The following FAAH2 variants were observed in gnomAD, a reference collection of about 807,000 sequenced individuals.
FAAH2 encodes fatty acid amide hydrolase 2, also known as fatty-acid amide hydrolase 2.
FAAH2 carries 60 observed loss-of-function variants against 36.9 expected under a neutral mutation model. That is an observed-to-expected ratio of 1.63 (90% CI 1.32 to 2.02). The LOEUF is 2.02. Among genes scored for constraint, FAAH2 ranks in the 30% most tolerant of loss-of-function variants. FAAH2 has a pLI of 0.00. For missense variants in FAAH2, 689 were observed against 397.5 expected, an observed-to-expected ratio of 1.73 and a Z score of -6.23; for synonymous variants, 214 against 143.8, an observed-to-expected ratio of 1.49 and a Z score of -3.49.
chrX:57,475,368 G>T (rs1334364617), intron 10 of FAAH2, among the ~76,000 whole-genome samples: 1 of 111,817 alleles, frequency 8.9e-6, no homozygotes, highest in African/African-American at 3.3e-5. Flanking sequence ...GTTAATTTTT[G>T]TATAAAATGT....
rs185748760 is a variant in FAAH2 at position 57,308,212 on chromosome X, T to A, written c.276-2381T>A. Among the ~76,000 whole-genome samples, 335 of 111,923 alleles carry A rather than the reference T, an allele frequency of 3.0e-3. 3 individuals carry two copies. Among genetic ancestry groups the A allele is most frequent in the Non-Finnish European group, 5.7e-3 (304 of 53,118 alleles). On this transcript the variant is annotated intron_variant, in intron 2 of 10. Coordinates refer to ENST00000374900, the MANE Select transcript of FAAH2 (RefSeq NM_174912.4). ...GTTTTGTTTTAAGTTATTTGAGAAA[T>A]CTCCAAACTGCTTTCCACTATGGCT...
chrX:57,185,220 G>C, the FAAH2 span, among the ~76,000 whole-genome samples: 1 of 109,725 alleles, frequency 9.1e-6, no homozygotes, highest in Non-Finnish European at 1.9e-5. Context: ...ATCCCCAACT[G>C]CCCACCCCTC....
the FAAH2 span, among the ~76,000 whole-genome samples, chrX:57,242,060 C>T: frequency 7.0e-4 from 79 of 112,775 alleles, no homozygotes; most frequent in African/African-American, 2.4e-3. Context: ...CAGAGAGCAG[C>T]GTATCCTGAC....
the FAAH2 span, among the ~76,000 whole-genome samples, chrX:57,150,994 G>A: frequency 4.5e-5 from 5 of 111,916 alleles, no homozygotes; most frequent in Admixed American, 4.7e-4. Context: ...TGTCTGTAAA[G>A]TATTTTATTT....
chrX:57,257,567 T>A, the FAAH2 span, among the ~76,000 whole-genome samples: 1 of 110,116 alleles, frequency 9.1e-6, no homozygotes, highest in Non-Finnish European at 1.9e-5. Context: ...AGGGGAGGGA[T>A]AACATTAGGA....
rs189706146 is a variant in FAAH2 at position 57,424,179 on chromosome X, C to T, written c.997-7739C>T. Among the ~76,000 whole-genome samples, 99 of 112,103 alleles carry T rather than the reference C, an allele frequency of 8.8e-4. 1 individual carries two copies. Among genetic ancestry groups the T allele is most frequent in the African/African-American group, 3.2e-3 (99 of 30,873 alleles). ...AAAATTAAACAAATTCTACACTACT[C>T]CCCTGCTACTCCAGTCAGTCCTTTT... On this transcript the variant is annotated intron_variant, in intron 7 of 10. Coordinates refer to ENST00000374900, the MANE Select transcript of FAAH2 (RefSeq NM_174912.4).
At chrX:57,316,929 A>C (rs2052856737) in intron 3 of FAAH2, among the ~76,000 whole-genome samples, 1 of 111,964 alleles carries the variant, frequency 8.9e-6, no homozygotes, top group Non-Finnish European at 1.9e-5. Context: ...AGCAAAATAA[A>C]CCATCAACAG....
chrX:57,165,341 C>G, the FAAH2 span, among the ~76,000 whole-genome samples: 1 of 112,389 alleles, frequency 8.9e-6, no homozygotes, highest in Non-Finnish European at 1.9e-5. Context: ...ACATATACAC[C>G]ATGGAATACT....
At chrX:57,203,164 A>G in the FAAH2 span, among the ~76,000 whole-genome samples, 44 of 112,108 alleles carry the variant, frequency 3.9e-4, no homozygotes, top group Middle Eastern at 4.6e-3. Context: ...ATTTACCCAC[A>G]TATTTATTGA....
intron 5 of FAAH2, among the ~76,000 whole-genome samples, chrX:57,344,120 T>C (rs2053759056): frequency 9.1e-6 from 1 of 110,205 alleles, no homozygotes; most frequent in Non-Finnish European, 1.9e-5. Flanking sequence ...AGTTTTAGAA[T>C]AGCTTTTTTT....
the FAAH2 span, among the ~76,000 whole-genome samples, chrX:57,182,166 C>T: frequency 8.9e-6 from 1 of 111,808 alleles, no homozygotes; most frequent in South Asian, 3.7e-4. Flanking sequence ...TCATTCTGGG[C>T]ATAGGAACTT....
At chrX:57,384,435 A>T (rs5960964) in intron 7 of FAAH2, among the ~76,000 whole-genome samples, 1 of 102,324 alleles carries the variant, frequency 9.8e-6, no homozygotes, top group Non-Finnish European at 2.0e-5. Context: ...TCTGACAAAG[A>T]GCTAACATCC....
the FAAH2 span, among the ~76,000 whole-genome samples, chrX:57,218,491 T>C: frequency 1.8e-5 from 2 of 112,259 alleles, no homozygotes; most frequent in African/African-American, 6.5e-5. Flanking sequence ...GTTTATATGG[T>C]GTATCACATT....
chrX:57,123,301 C>T, the FAAH2 span, among the ~76,000 whole-genome samples: 1 of 111,684 alleles, frequency 9.0e-6, no homozygotes, highest in Non-Finnish European at 1.9e-5. Flanking sequence ...TGGTTTCCAG[C>T]TTCATCCATG....
At chrX:57,208,530 C>A in the FAAH2 span, among the ~76,000 whole-genome samples, 3 of 111,724 alleles carry the variant, frequency 2.7e-5, no homozygotes, top group African/African-American at 6.5e-5. Context: ...TGAGCCCCCA[C>A]GTTGGGTGCC....
chrX:57,411,007 T>C (rs1394595223), intron 7 of FAAH2, among the ~76,000 whole-genome samples: 2 of 111,975 alleles, frequency 1.8e-5, no homozygotes, highest in African/African-American at 6.5e-5. Flanking sequence ...TTTATGTTCC[T>C]TGGAGGCTTG....
the FAAH2 span, among the ~76,000 whole-genome samples, chrX:57,280,535 TA>T: frequency 4.8e-5 from 5 of 104,709 alleles, no homozygotes; most frequent in Admixed American, 2.1e-4. Context: ...GGCTAAAATT[TA>T]AAAAAAAAAT....
At chrX:57,166,363 A>G in the FAAH2 span, among the ~76,000 whole-genome samples, 8 of 111,980 alleles carry the variant, frequency 7.1e-5, no homozygotes, top group Non-Finnish European at 1.3e-4. Flanking sequence ...GAGCTGATAA[A>G]CACAAGCCAC....
At chrX:57,174,221 T>G in the FAAH2 span, among the ~76,000 whole-genome samples, 6,044 of 110,476 alleles carry the variant, frequency 0.055, 423 homozygotes, top group African/African-American at 0.19. Context: ...TTTTTTTTTT[T>G]TTGTTCTTGG....
Sources: allele counts gnomAD v4.1 joint callset (sites outside exome capture counted in the v4.1 genomes callset), GRCh38; gene constraint gnomAD v4.1.1; transcripts MANE v1.5; gene names NCBI Gene and HGNC (gene_info 2026-07-23, HGNC 2026-07-21).